EPHB2: variants seen among roughly 807,000 people sequenced by gnomAD.
The protein encoded by EPHB2 is ephrin type-B receptor 2.
EPHB2 carries 18 observed loss-of-function variants against 96.4 expected under a neutral mutation model. The observed-to-expected ratio is 0.19, with a 90% CI of 0.13 to 0.28. EPHB2 has a LOEUF of 0.28. Ranked by LOEUF, EPHB2 falls within the 10% of genes least tolerant of loss-of-function variation. The pLI is 1.00. For missense variants in EPHB2, 989 were observed against 1,355.4 expected (o/e 0.73, Z 4.25); for synonymous variants, 506 against 534.1 (o/e 0.95, Z 0.72).
At chr1:22,743,773 C>T (rs370453677) in intron 1 of EPHB2, among the ~76,000 whole-genome samples, 5 of 152,234 alleles carry the variant, frequency 3.3e-5, no homozygotes, top group South Asian at 2.1e-4. Flanking sequence ...GTGCCCAGCC[C>T]GGGAGGATTA....
intron 3 of EPHB2, among the ~76,000 whole-genome samples, chr1:22,836,253 G>C (rs1481279070): frequency 6.6e-6 from 1 of 152,194 alleles, no homozygotes; most frequent in Non-Finnish European, 1.5e-5. Context: ...CCAGGGTGGG[G>C]GAGAGCCGCT....
intron 3 of EPHB2, among the ~76,000 whole-genome samples, chr1:22,810,564 A>G (rs1359310003): frequency 6.6e-6 from 1 of 152,190 alleles, no homozygotes; most frequent in African/African-American, 2.4e-5. Context: ...TCTGCATCCT[A>G]GAGTTCTCTG....
chr1:22,862,009 A>G lies in EPHB2; in HGVS notation c.812-1028A>G, dbSNP rs76101933. Among the ~76,000 whole-genome samples the G allele has an allele frequency of 3.9e-3, 589 of 152,238 alleles. 2 individuals are homozygous for G. Among genetic ancestry groups the G allele is most frequent in the Middle Eastern group, 0.024 (7 of 294 alleles). ...TGTCCACCCACTTACCCATTGCACA[A>G]TCTCTTCCAGGTATCATAGCAGAGC... On this transcript the variant is annotated intron_variant, in intron 3 of 15. Transcript: ENST00000374630.
chr1:22,849,500 C>T (rs1026560487), intron 3 of EPHB2, among the ~76,000 whole-genome samples: 6 of 152,188 alleles, frequency 3.9e-5, no homozygotes, highest in Non-Finnish European at 8.8e-5. Context: ...GTGGAACAAC[C>T]GTTGCAGATT....
chr1:22,788,345 T>A (rs555938615), intron 3 of EPHB2, among the ~76,000 whole-genome samples: 14 of 152,296 alleles, frequency 9.2e-5, no homozygotes, highest in African/African-American at 3.4e-4. Context: ...CCCCAAGGCC[T>A]CAGCCCAGCC....
chr1:22,751,207 G>A (rs1366671882), intron 1 of EPHB2, among the ~76,000 whole-genome samples: 5 of 152,198 alleles, frequency 3.3e-5, no homozygotes, highest in African/African-American at 4.8e-5. Context: ...GAGAGGGGAT[G>A]GGACCTAGCA....
intron 9 of EPHB2, among the ~76,000 whole-genome samples, chr1:22,898,622 C>T (rs1419852919): frequency 6.6e-6 from 1 of 152,164 alleles, no homozygotes; most frequent in African/African-American, 2.4e-5. Flanking sequence ...CTCCAAGTTA[C>T]GGCCTTGGCG....
Position 22,919,863 on chromosome 1 carries a change from C to T in EPHB2, c.*6293C>T, listed in dbSNP as rs905000988. ...TTCTAAGATTCCAATGGAATGATTC[C>T]ATGTTTCTAAGATTCCATCACACTA... On this transcript the variant is annotated 3_prime_UTR_variant, in exon 16 of 16. Coordinates refer to ENST00000374630, the MANE Select transcript of EPHB2 (RefSeq NM_017449.5). The T allele has an allele frequency of 2.6e-5, 4 of 152,204 alleles. No homozygotes were observed. The East Asian group carries it at 5.8e-4, about 22-fold the overall frequency. 9.4% of individuals were successfully genotyped at this position (152,204 alleles called of 1,614,324 possible). A position where few individuals can be genotyped will look rare whatever the true frequency, so the allele number is the denominator to read the frequency against.
chr1:22,884,873 A>G (rs1364673320), intron 6 of EPHB2, among the ~76,000 whole-genome samples: 3 of 152,022 alleles, frequency 2.0e-5, no homozygotes, highest in African/African-American at 7.2e-5. Context: ...ATTTATCACA[A>G]TTATCATTTT....
At chr1:22,894,522 G>A (rs1308873409) in intron 7 of EPHB2, among the ~76,000 whole-genome samples, 2 of 151,592 alleles carry the variant, frequency 1.3e-5, no homozygotes, top group African/African-American at 4.9e-5. Context: ...GCTTGAACCC[G>A]GGAAGCAGAG....
intron 2 of EPHB2, 43 bp downstream of exon 2, chr1:22,781,528 C>T: frequency 6.2e-7 from 1 of 1,602,990 alleles, no homozygotes; most frequent in Non-Finnish European, 8.5e-7. Context: ...CCCCAGGATC[C>T]CTCAAGCCCT....
At chr1:22,839,943 T>A (rs1191402157) in intron 3 of EPHB2, among the ~76,000 whole-genome samples, 2 of 152,164 alleles carry the variant, frequency 1.3e-5, no homozygotes, top group African/African-American at 4.8e-5. Context: ...TTAACATAGG[T>A]CTAGGCTGGG....
intron 1 of EPHB2, among the ~76,000 whole-genome samples, chr1:22,769,790 CAGATGTAT>C (rs1292848196): frequency 1.3e-5 from 2 of 151,942 alleles, no homozygotes; most frequent in African/African-American, 2.4e-5. Context: ...GAGTGGATAG[CAGATGTAT>C]AGATGTATAA....
rs1465489171 is a variant in EPHB2, at chr1:22,915,701, C to T, written c.*2131C>T. ...GGGTCTTAGAGTGCTCATGTACCCCCAGGCACAGCCAACTCTGGTTTTCTC... is the reference window on the plus strand; with the variant it reads ...GGGTCTTAGAGTGCTCATGTACCCCTAGGCACAGCCAACTCTGGTTTTCTC... On this transcript the variant is annotated 3_prime_UTR_variant, in exon 16 of 16. Transcript: ENST00000374630. 6.6e-6 allele frequency: 1 copy of T among 152,272 alleles called. No individual in the cohort carries two copies. The highest frequency in any genetic ancestry group is 1.9e-4 in the East Asian group (1 of 5,198). 9.4% of individuals were successfully genotyped at this position (152,272 alleles called of 1,614,324 possible). A position where few individuals can be genotyped will look rare whatever the true frequency, so the allele number is the denominator to read the frequency against.
At chr1:22,850,646 G>A (rs755459236) in intron 3 of EPHB2, among the ~76,000 whole-genome samples, 3 of 152,370 alleles carry the variant, frequency 2.0e-5, no homozygotes, top group African/African-American at 7.2e-5. Flanking sequence ...GCTGCAGCCT[G>A]ATGAGCCCAC....
At chr1:22,737,162 A>T (rs1321536667) in intron 1 of EPHB2, among the ~76,000 whole-genome samples, 4 of 152,036 alleles carry the variant, frequency 2.6e-5, no homozygotes, top group African/African-American at 7.2e-5. Context: ...CTGGCCATTC[A>T]GCTACTGCCT....
chr1:22,822,823 C>A (rs1212999875), intron 3 of EPHB2, among the ~76,000 whole-genome samples: 1 of 152,236 alleles, frequency 6.6e-6, no homozygotes, highest in Non-Finnish European at 1.5e-5. Context: ...TCCCTGCCTT[C>A]CAATCCCTAG....
At chr1:22,892,688 G>T in intron 6 of EPHB2, 196 bp from the exon 7 acceptor site, 1 of 758,444 alleles carries the variant, frequency 1.3e-6, no homozygotes, top group South Asian at 1.4e-5. Flanking sequence ...CATATACTCT[G>T]CCTACCTTTG....
At chr1:22,744,493 C>T (rs1243136932) in intron 1 of EPHB2, among the ~76,000 whole-genome samples, 1 of 147,686 alleles carries the variant, frequency 6.8e-6, no homozygotes, top group Non-Finnish European at 1.5e-5. Flanking sequence ...TGTATTCTTA[C>T]AATAAAGTAA....
Sources: allele counts gnomAD v4.1 joint callset (sites outside exome capture counted in the v4.1 genomes callset), GRCh38; gene constraint gnomAD v4.1.1; transcripts MANE v1.5; gene names NCBI Gene and HGNC (gene_info 2026-07-23, HGNC 2026-07-21).